GNB1: variants seen among roughly 807,000 people sequenced by gnomAD.
GNB1 encodes guanine nucleotide-binding protein G(I)/G(S)/G(T) subunit beta-1.
GNB1 carries 2 observed loss-of-function variants against 42.9 expected under a neutral mutation model. That is an observed-to-expected ratio of 0.05 (90% CI 0.02 to 0.15). The LOEUF (loss-of-function observed/expected upper bound fraction) is 0.15, where lower values mean the gene tolerates loss of function less well. Among genes scored for constraint, GNB1 ranks in the 10% least tolerant of loss-of-function variants. The pLI is 1.00. For synonymous variants in GNB1, 183 were observed against 174.7 expected (o/e 1.05, Z -0.38); for missense variants, 193 against 462.2 (o/e 0.42, Z 5.34).
chr1:1,884,200 C>T (rs914586077), intron 1 of GNB1, among the ~76,000 whole-genome samples: 3 of 150,998 alleles, frequency 2.0e-5, no homozygotes, highest in Admixed American at 1.3e-4. Flanking sequence ...GGCACGATCT[C>T]GGCTCACTGC....
chr1:1,852,833 T>G (rs1420205980), intron 1 of GNB1, among the ~76,000 whole-genome samples: 1 of 152,082 alleles, frequency 6.6e-6, no homozygotes, highest in Non-Finnish European at 1.5e-5. Context: ...GCTCCACATC[T>G]GCCACACCCA....
intron 7 of GNB1, 54 bp from the exon 8 acceptor site, chr1:1,793,365 G>T: frequency 8.1e-7 from 1 of 1,227,164 alleles, no homozygotes; most frequent in South Asian, 1.2e-5. Context: ...CTTGCACCCA[G>T]CCTCATACAT....
chr1:1,835,391 A>G (rs987869421), intron 2 of GNB1, among the ~76,000 whole-genome samples: 2 of 152,236 alleles, frequency 1.3e-5, no homozygotes, highest in Non-Finnish European at 2.9e-5. Context: ...CCCACAGCTC[A>G]TGCTATGACA....
chr1:1,845,634 G>C (rs1194328224), intron 1 of GNB1, among the ~76,000 whole-genome samples: 1 of 151,870 alleles, frequency 6.6e-6, no homozygotes, highest in East Asian at 1.9e-4. Context: ...TATTAATATG[G>C]ATATGTATGC....
chr1:1,791,299 G>A (rs1053950242), intron 8 of GNB1, among the ~76,000 whole-genome samples: 1 of 151,868 alleles, frequency 6.6e-6, no homozygotes, highest in African/African-American at 2.4e-5. Context: ...AGCCTCTCCA[G>A]TAGCTGGGAT....
At chr1:1,808,780 A>G (rs1646736576) in intron 5 of GNB1, among the ~76,000 whole-genome samples, 1 of 152,096 alleles carries the variant, frequency 6.6e-6, no homozygotes, top group African/African-American at 2.4e-5. Context: ...AGTAGCTGGG[A>G]TTACAGGTAC....
In GNB1 at chr1:1,787,585, C is replaced by A; in HGVS notation, c.917-148G>T. ...CCAGGAAGGGAGGGAAAGTTGCATC[C>A]ACGTGGGGAATTAACCTGCAGCATA... On this transcript the variant is annotated intron_variant, in intron 10 of 11. Coordinates refer to ENST00000378609, the MANE Select transcript of GNB1 (RefSeq NM_002074.5). This position sits in a 1 kb window ranked among gnomAD's most constrained non-coding sequence, Gnocchi z 4.4. 1 of 562,614 alleles carries A rather than the reference C, an allele frequency of 1.8e-6. No individual in the cohort carries two copies. 34.9% of individuals were successfully genotyped at this position (562,614 alleles called of 1,614,324 possible).
chr1:1,825,900 C>G (rs1646991961), intron 2 of GNB1, among the ~76,000 whole-genome samples: 2 of 151,616 alleles, frequency 1.3e-5, no homozygotes, highest in Admixed American at 1.3e-4. Flanking sequence ...GAACTATGGT[C>G]TCATTACAAA....
chr1:1,859,737 G>A lies in GNB1; in HGVS notation c.-95-20499C>T, dbSNP rs549202085. ...AAGAAGAGGGAGGCAGGCCGGGCGCGGTGGCTCACGCCTGTAATCCCAGCA... is the reference window on the plus strand; with the variant it reads ...AAGAAGAGGGAGGCAGGCCGGGCGCAGTGGCTCACGCCTGTAATCCCAGCA... On this transcript the variant is annotated intron_variant, in intron 1 of 11. Coordinates refer to ENST00000378609, the MANE Select transcript of GNB1 (RefSeq NM_002074.5). Among the ~76,000 whole-genome samples the A allele has an allele frequency of 3.3e-5, 5 of 151,186 alleles. No individual in the cohort carries two copies. In the East Asian group the frequency reaches 7.9e-4, roughly 24 times the overall value.
intron 1 of GNB1, among the ~76,000 whole-genome samples, chr1:1,875,325 G>C (rs1376185647): frequency 6.6e-6 from 1 of 151,786 alleles, no homozygotes; most frequent in Non-Finnish European, 1.5e-5. Context: ...CCAAGTAGCT[G>C]GGTCTACAGG....
At chr1:1,823,136 G>A (rs999573266) in intron 3 of GNB1, among the ~76,000 whole-genome samples, 1 of 151,486 alleles carries the variant, frequency 6.6e-6, no homozygotes, top group Admixed American at 6.6e-5. Context: ...CAGCTCCTCA[G>A]GAGGCCGAGG....
rs34703999 is a variant in GNB1 at position 1,791,172 on chromosome 1, A to ATTT, written c.498-579_498-577dup. Among the ~76,000 whole-genome samples the ATTT allele has an allele frequency of 8.0e-3, 1,136 of 141,892 alleles. 19 individuals carry two copies. Among genetic ancestry groups the ATTT allele is most frequent in the African/African-American group, 0.028 (1,094 of 38,410 alleles). The allele number at this position is 141,892 out of a possible 152,430, so 93.1% of individuals were successfully genotyped here. On this transcript the variant is annotated intron_variant, in intron 8 of 11. Coordinates refer to ENST00000378609, the MANE Select transcript of GNB1 (RefSeq NM_002074.5). ...TGAGTTCTCAGTGATCACACCTGGT[A>ATTT]TTTTTTTTTTTTTTTTGAGACCGAA...
intron 1 of GNB1, among the ~76,000 whole-genome samples, chr1:1,872,015 T>C (rs1049981905): frequency 1.8e-3 from 267 of 152,092 alleles, no homozygotes; most frequent in African/African-American, 5.5e-3. Flanking sequence ...TTTTTTTTTT[T>C]TCTTAAGACA....
At chr1:1,832,436 C>G (rs1647089746) in intron 2 of GNB1, among the ~76,000 whole-genome samples, 1 of 152,188 alleles carries the variant, frequency 6.6e-6, no homozygotes, top group Non-Finnish European at 1.5e-5. Flanking sequence ...TTCCTGATGA[C>G]CCATATCTGC....
chr1:1,875,845 C>T (rs968460258), intron 1 of GNB1, among the ~76,000 whole-genome samples: 7 of 151,956 alleles, frequency 4.6e-5, no homozygotes, highest in East Asian at 1.9e-4. Context: ...TGTCCCCCCC[C>T]CCAAAATTCA....
chr1:1,822,869 T>A (rs1006092111), intron 3 of GNB1, among the ~76,000 whole-genome samples: 1 of 152,204 alleles, frequency 6.6e-6, no homozygotes, highest in Non-Finnish European at 1.5e-5. Flanking sequence ...GAACAACTTA[T>A]AGCTGTCAGA....
At chr1:1,883,104 C>G (rs2101903414) in intron 1 of GNB1, among the ~76,000 whole-genome samples, 1 of 150,948 alleles carries the variant, frequency 6.6e-6, no homozygotes, top group Non-Finnish European at 1.5e-5. Flanking sequence ...CAGCCTGTCT[C>G]TACAAACAAT....
At chr1:1,831,151 T>C (rs577859536) in intron 2 of GNB1, among the ~76,000 whole-genome samples, 1 of 151,874 alleles carries the variant, frequency 6.6e-6, no homozygotes, top group East Asian at 1.9e-4. Flanking sequence ...GGTGACAGAA[T>C]GAGGCTCCAT....
intron 1 of GNB1, among the ~76,000 whole-genome samples, chr1:1,888,732 G>A (rs576868892): frequency 1.2e-3 from 180 of 152,248 alleles, no homozygotes; most frequent in Non-Finnish European, 2.0e-3. Context: ...CAGCTACTCG[G>A]GAGGCTGAGG....
Sources: allele counts gnomAD v4.1 joint callset (sites outside exome capture counted in the v4.1 genomes callset), GRCh38; gene constraint gnomAD v4.1.1; non-coding constraint Gnocchi (gnomAD v3.1); transcripts MANE v1.5; gene names NCBI Gene and HGNC (gene_info 2026-07-23, HGNC 2026-07-21).